The following MYL12B variants were observed in gnomAD, a reference collection of about 807,000 sequenced individuals.
MYL12B encodes myosin light chain 12B.
MYL12B carries 3 observed loss-of-function variants against 12.9 expected under a neutral mutation model. The ratio of observed to expected loss-of-function variants is 0.23; its 90% CI spans 0.11 to 0.60. The LOEUF (loss-of-function observed/expected upper bound fraction) is 0.60, where lower values mean the gene tolerates loss of function less well. Ranked by LOEUF, MYL12B falls within the 20% of genes least tolerant of loss-of-function variation. The probability of loss-of-function intolerance (pLI) is 0.89; values close to 1 mark genes in which losing one functional copy is unlikely to be tolerated. For synonymous variants in MYL12B, 57 were observed against 71.9 expected (o/e 0.79, Z 1.05); for missense variants, 120 against 215.4 (o/e 0.56, Z 2.77).
chr18:3,274,216 G>A (rs1257566782), intron 2 of MYL12B, among the ~76,000 whole-genome samples: 1 of 152,176 alleles, frequency 6.6e-6, no homozygotes, highest in African/African-American at 2.4e-5. Context: ...ACTGAAGAAG[G>A]CCTCTGAGGA....
chr18:3,264,727 G>A (rs2081623456), intron 1 of MYL12B, among the ~76,000 whole-genome samples: 1 of 152,084 alleles, frequency 6.6e-6, no homozygotes, highest in Non-Finnish European at 1.5e-5. Context: ...AAGAAGACAG[G>A]CATATATATG....
intron 1 of MYL12B, among the ~76,000 whole-genome samples, chr18:3,266,454 C>T (rs2144353776): frequency 2.0e-5 from 1 of 48,900 alleles, no homozygotes; most frequent in Non-Finnish European, 4.5e-5. Context: ...CACGGGTCAA[C>T]ACTTTTCATT....
At chr18:3,273,851 G>GTTTTTTT (rs1555636125) in intron 2 of MYL12B, among the ~76,000 whole-genome samples, 386 of 115,408 alleles carry the variant, frequency 3.3e-3, no homozygotes, top group African/African-American at 8.9e-3. Context: ...AGAGGTGGGG[G>GTTTTTTT]TTTTTTTTTT....
chr18:3,274,557 A>G (rs1033789544), intron 2 of MYL12B, among the ~76,000 whole-genome samples: 1 of 152,216 alleles, frequency 6.6e-6, no homozygotes, highest in Non-Finnish European at 1.5e-5. Flanking sequence ...ACGTACAGGA[A>G]TTGGAAGTGA....
In MYL12B at chr18:3,264,479, G is replaced by A. The variant is rs376125602; in HGVS notation, c.-16+2242G>A. 4.6e-5 allele frequency among the ~76,000 whole-genome samples: 7 copies of A among 152,166 alleles called. No individual in the cohort carries two copies. The East Asian group carries it at 9.7e-4, about 21-fold the overall frequency. On this transcript the variant is annotated intron_variant, in intron 1 of 3. Coordinates refer to ENST00000237500, the MANE Select transcript of MYL12B (RefSeq NM_033546.4). The stretch of plus-strand genomic sequence containing the variant: ...AATGCTTTGAGAAGCCAATGTGGGG[G>A]GATCATTTGAAGCCAGGGGTTCAAG...
chr18:3,264,326 A>T (rs931824548), intron 1 of MYL12B, among the ~76,000 whole-genome samples: 2 of 152,216 alleles, frequency 1.3e-5, no homozygotes, highest in Non-Finnish European at 2.9e-5. Context: ...GTATTTGCTT[A>T]ACTAGGATTA....
At chr18:3,270,432 C>G (rs2034067) in intron 1 of MYL12B, among the ~76,000 whole-genome samples, 144,794 of 152,064 alleles carry the variant, frequency 0.95, 69,019 homozygotes, top group Non-Finnish European at 0.98. Flanking sequence ...CATCAACTTG[C>G]CTTCTGTTTC....
At chr18:3,268,454 A>G (rs1227090047) in intron 1 of MYL12B, among the ~76,000 whole-genome samples, 1 of 152,220 alleles carries the variant, frequency 6.6e-6, no homozygotes, top group Admixed American at 6.5e-5. Context: ...TCCTAGATCA[A>G]AGTTTCAAAG....
chr18:3,277,713 C>T, intron 3 of MYL12B, 52 bp from the exon 4 acceptor site: 2 of 1,559,964 alleles, frequency 1.3e-6, no homozygotes, highest in Admixed American at 4.3e-5. Flanking sequence ...AATGAACCAT[C>T]AAAGTGCCAG....
At chr18:3,265,833 A>C (rs903748217) in intron 1 of MYL12B, among the ~76,000 whole-genome samples, 1 of 152,038 alleles carries the variant, frequency 6.6e-6, no homozygotes, top group Non-Finnish European at 1.5e-5. Flanking sequence ...TGGTGGTGGG[A>C]ATGTTGAGGA....
chr18:3,265,444 G>T (rs2081627583), intron 1 of MYL12B, among the ~76,000 whole-genome samples: 1 of 152,042 alleles, frequency 6.6e-6, no homozygotes, highest in Non-Finnish European at 1.5e-5. Context: ...GAGTAAAAAT[G>T]ACCTTAGGTT....
intron 1 of MYL12B, among the ~76,000 whole-genome samples, chr18:3,271,391 C>A (rs1219217402): frequency 6.6e-6 from 1 of 152,166 alleles, no homozygotes; most frequent in Non-Finnish European, 1.5e-5. Context: ...CTTCAAAACA[C>A]CCTGTGGGAT....
At chr18:3,270,643 G>A (rs2081670569) in intron 1 of MYL12B, among the ~76,000 whole-genome samples, 1 of 136,960 alleles carries the variant, frequency 7.3e-6, no homozygotes, top group Non-Finnish European at 1.6e-5. Context: ...TGTAGAAGTA[G>A]CATGATACAA....
At chr18:3,271,997 C>T (rs7236414) in intron 1 of MYL12B, 15 of 925,578 alleles carry the variant, frequency 1.6e-5, no homozygotes, top group Non-Finnish European at 1.9e-5. Flanking sequence ...CAAGATCAGA[C>T]TGGGCAATAT....
intron 1 of MYL12B, among the ~76,000 whole-genome samples, chr18:3,270,503 C>A (rs2081669334): frequency 6.6e-6 from 1 of 152,104 alleles, no homozygotes. Flanking sequence ...CTAACTAACT[C>A]CCTATTCTTT....
chr18:3,278,227 TTA>T lies in MYL12B; in HGVS notation c.*295_*296del, dbSNP rs1257840073. The T allele has an allele frequency of 4.1e-6, 1 of 243,636 alleles. No individual in the cohort carries two copies. The highest frequency in any genetic ancestry group is 9.1e-5 in the East Asian group (1 of 10,972). The allele number at this position is 243,636 out of a possible 1,614,324, so 15.1% of individuals were successfully genotyped here. On this transcript the variant is annotated 3_prime_UTR_variant, in exon 4 of 4. Coordinates refer to ENST00000237500, the MANE Select transcript of MYL12B (RefSeq NM_033546.4). ...CTGGTTTTGCTGGATTTTTACATTTTTATATAATAAAAATGTTATTTTGAAAT... is the reference window on the plus strand; with the variant it reads ...CTGGTTTTGCTGGATTTTTACATTTTTATAATAAAAATGTTATTTTGAAAT...
chr18:3,262,962 G>C (rs1224565354), intron 1 of MYL12B: 1 of 152,248 alleles, frequency 6.6e-6, no homozygotes, highest in Non-Finnish European at 1.5e-5. Context: ...CCTCACTGAA[G>C]GCCTTGGATT....
At chr18:3,274,082 C>T (rs1567991797) in intron 2 of MYL12B, among the ~76,000 whole-genome samples, 1 of 151,830 alleles carries the variant, frequency 6.6e-6, no homozygotes, top group Non-Finnish European at 1.5e-5. Flanking sequence ...CATTTTGTAA[C>T]TTTTCTTTAT....
intron 1 of MYL12B, among the ~76,000 whole-genome samples, chr18:3,270,399 G>A (rs2034069): frequency 0.94 from 143,713 of 152,248 alleles, 67,929 homozygotes; most frequent in Non-Finnish European, 0.98. Context: ...GGACCAGTTA[G>A]TGAATTGTTT....
Sources: allele counts gnomAD v4.1 joint callset (sites outside exome capture counted in the v4.1 genomes callset), GRCh38; gene constraint gnomAD v4.1.1; transcripts MANE v1.5; gene names NCBI Gene and HGNC (gene_info 2026-07-23, HGNC 2026-07-21).